The following ROBO2 variants were observed in gnomAD, a reference collection of about 807,000 sequenced individuals.
The protein encoded by ROBO2 is roundabout homolog 2.
ROBO2 carries 53 observed loss-of-function variants against 160.8 expected under a neutral mutation model. The observed-to-expected ratio is 0.33, with a 90% CI of 0.26 to 0.41. The LOEUF (loss-of-function observed/expected upper bound fraction) is 0.41. Ranked by LOEUF, ROBO2 falls within the 10% of genes least tolerant of loss-of-function variation. The probability of loss-of-function intolerance (pLI) is 1.00; values close to 1 mark genes in which losing one functional copy is unlikely to be tolerated. For missense variants in ROBO2, 1,577 were observed against 1,722.4 expected (o/e 0.92, Z 1.49); for synonymous variants, 664 against 611.7 (o/e 1.09, Z -1.26).
intron 2 of ROBO2, among the ~76,000 whole-genome samples, chr3:76,609,605 G>A (rs2087927419): frequency 6.6e-6 from 1 of 151,450 alleles, no homozygotes; most frequent in Non-Finnish European, 1.5e-5. Context: ...TTATTAGCTT[G>A]GATAGGTTTT....
intron 2 of ROBO2, among the ~76,000 whole-genome samples, chr3:76,751,389 A>G (rs1263444415): frequency 6.6e-6 from 1 of 152,138 alleles, no homozygotes; most frequent in Non-Finnish European, 1.5e-5. Flanking sequence ...GGACATAGGC[A>G]TGGGCAAGGA....
chr3:77,282,186 T>C (rs1170059093), intron 2 of ROBO2, among the ~76,000 whole-genome samples: 1 of 152,166 alleles, frequency 6.6e-6, no homozygotes, highest in Non-Finnish European at 1.5e-5. Context: ...TTTGCAGATA[T>C]GGAGGGTTAA....
chr3:76,479,677 G>C (rs2079109910), intron 2 of ROBO2, among the ~76,000 whole-genome samples: 1 of 152,114 alleles, frequency 6.6e-6, no homozygotes, highest in Admixed American at 6.6e-5. Flanking sequence ...CAAAATAATT[G>C]ATCCTGACAG....
At chr3:76,881,879 A>G (rs2073368481) in intron 2 of ROBO2, among the ~76,000 whole-genome samples, 1 of 152,014 alleles carries the variant, frequency 6.6e-6, no homozygotes, top group South Asian at 2.1e-4. Flanking sequence ...CTTCCCTTGT[A>G]ATTACTGTTT....
intron 2 of ROBO2, among the ~76,000 whole-genome samples, chr3:77,330,422 G>A (rs138719820): frequency 3.1e-4 from 47 of 152,342 alleles, no homozygotes; most frequent in Admixed American, 2.0e-3. Flanking sequence ...GGAGGCTGAC[G>A]CAGGAGGATT....
intron 2 of ROBO2, among the ~76,000 whole-genome samples, chr3:76,524,814 C>A (rs1257439718): frequency 4.2e-5 from 4 of 95,044 alleles, no homozygotes; most frequent in African/African-American, 1.6e-4. Context: ...AAACCTATGA[C>A]CCTCTTATTC....
At chr3:77,190,502 A>C (rs1484308977) in intron 2 of ROBO2, among the ~76,000 whole-genome samples, 1 of 151,890 alleles carries the variant, frequency 6.6e-6, no homozygotes, top group African/African-American at 2.4e-5. Context: ...TATGAACTCT[A>C]TTTTCTTTTC....
rs544346907 is a variant in ROBO2, at chr3:77,045,472, C to G, written c.61+4626C>G. ...CTTGGCTGTTGTATATACTGTTGATCTCCAGTGCTTGCATCAGTGCTTGAC... is the reference window on the plus strand; with the variant it reads ...CTTGGCTGTTGTATATACTGTTGATGTCCAGTGCTTGCATCAGTGCTTGAC... On this transcript the variant is annotated intron_variant, in intron 1 of 25. Transcript: ENST00000461745. 2.0e-5 allele frequency among the ~76,000 whole-genome samples: 3 copies of G among 152,258 alleles called. No individual in the cohort carries two copies. In the South Asian group the frequency reaches 6.2e-4, roughly 32 times the overall value.
intron 2 of ROBO2, among the ~76,000 whole-genome samples, chr3:77,191,856 A>G (rs2081886311): frequency 6.6e-6 from 1 of 152,182 alleles, no homozygotes; most frequent in South Asian, 2.1e-4. Context: ...GCATATCTAT[A>G]AATTTTTCAC....
At chr3:76,792,100 G>A (rs2063390868) in intron 2 of ROBO2, among the ~76,000 whole-genome samples, 1 of 151,778 alleles carries the variant, frequency 6.6e-6, no homozygotes, top group South Asian at 2.1e-4. Flanking sequence ...AAGAAAAAAC[G>A]TTCTGGTAAG....
intron 2 of ROBO2, among the ~76,000 whole-genome samples, chr3:76,005,672 G>C (rs1292367947): frequency 6.6e-6 from 1 of 152,072 alleles, no homozygotes; most frequent in Non-Finnish European, 1.5e-5. Flanking sequence ...TCAGGCTTCA[G>C]GGGCTAATAA....
intron 2 of ROBO2, among the ~76,000 whole-genome samples, chr3:76,958,418 A>G (rs1442033984): frequency 2.0e-5 from 3 of 152,256 alleles, no homozygotes; most frequent in East Asian, 1.9e-4. Context: ...ATGCTTTGGC[A>G]TCAAATTGCA....
At chr3:76,483,801 T>C (rs1041342606) in intron 2 of ROBO2, among the ~76,000 whole-genome samples, 2 of 152,168 alleles carry the variant, frequency 1.3e-5, no homozygotes, top group Admixed American at 1.3e-4. Flanking sequence ...CAGTTATAAC[T>C]GAGAACATGC....
intron 2 of ROBO2, among the ~76,000 whole-genome samples, chr3:76,332,027 T>C (rs896100231): frequency 6.6e-6 from 1 of 152,162 alleles, no homozygotes; most frequent in Non-Finnish European, 1.5e-5. Flanking sequence ...TGTTGTCATG[T>C]GTGTATTACC....
chr3:76,080,907 A>G (rs1399305953), intron 2 of ROBO2, among the ~76,000 whole-genome samples: 1 of 152,130 alleles, frequency 6.6e-6, no homozygotes, highest in Non-Finnish European at 1.5e-5. Context: ...ATGACACACA[A>G]TCTTACAATT....
intron 2 of ROBO2, among the ~76,000 whole-genome samples, chr3:77,434,880 C>A (rs898493721): frequency 1.3e-5 from 2 of 151,908 alleles, no homozygotes; most frequent in Non-Finnish European, 2.9e-5. Context: ...TTAATGCACT[C>A]GCATATAAAA....
chr3:77,361,644 G>A (rs2070010447), intron 2 of ROBO2, among the ~76,000 whole-genome samples: 1 of 152,050 alleles, frequency 6.6e-6, no homozygotes, highest in Non-Finnish European at 1.5e-5. Context: ...GGAGGGTCAA[G>A]CTGCCCTGGG....
At chr3:76,767,719 A>G (rs545344284) in intron 2 of ROBO2, among the ~76,000 whole-genome samples, 1 of 151,628 alleles carries the variant, frequency 6.6e-6, no homozygotes, top group South Asian at 2.1e-4. Context: ...TTTTTAATTA[A>G]TGTATCACAT....
At chr3:76,887,653 G>C (rs1423303527) in intron 2 of ROBO2, among the ~76,000 whole-genome samples, 2 of 152,056 alleles carry the variant, frequency 1.3e-5, no homozygotes, top group Non-Finnish European at 2.9e-5. Context: ...ATATTTTTCT[G>C]AGATTCTCTG....
Sources: allele counts gnomAD v4.1 joint callset (sites outside exome capture counted in the v4.1 genomes callset), GRCh38; gene constraint gnomAD v4.1.1; transcripts MANE v1.5; gene names NCBI Gene and HGNC (gene_info 2026-07-23, HGNC 2026-07-21).